The following KIF5C variants were observed in gnomAD, a reference collection of about 807,000 sequenced individuals.
KIF5C encodes the protein kinesin family member 5C, also known as kinesin heavy chain isoform 5C.
KIF5C carries 18 observed loss-of-function variants against 125.2 expected under a neutral mutation model. That is an observed-to-expected ratio of 0.14 (90% CI 0.10 to 0.21). The LOEUF (loss-of-function observed/expected upper bound fraction) is 0.21, where lower values mean the gene tolerates loss of function less well. Ranked by LOEUF, KIF5C falls within the 10% of genes least tolerant of loss-of-function variation. The pLI, the probability that KIF5C is intolerant of heterozygous loss-of-function variation, is 1.00. For missense variants in KIF5C, 780 were observed against 1,183.8 expected (o/e 0.66, Z 5.01); for synonymous variants, 405 against 434.0 (o/e 0.93, Z 0.83).
chr2:148,922,896 G>T (rs1574748866), intron 2 of KIF5C, among the ~76,000 whole-genome samples: 1 of 152,166 alleles, frequency 6.6e-6, no homozygotes, highest in East Asian at 1.9e-4. Flanking sequence ...GACTGGCATT[G>T]GCCCTGGAGG....
chr2:148,909,689 A>G (rs1467895644), intron 1 of KIF5C, among the ~76,000 whole-genome samples: 1 of 152,220 alleles, frequency 6.6e-6, no homozygotes, highest in Non-Finnish European at 1.5e-5. Flanking sequence ...AGAGTCTGAA[A>G]GAGAGCTCTC....
intron 8 of KIF5C, among the ~76,000 whole-genome samples, chr2:148,948,356 CAAAA>C (rs1158381843): frequency 5.1e-5 from 4 of 78,170 alleles, no homozygotes; most frequent in Non-Finnish European, 7.9e-5. Flanking sequence ...GACTCTGTCT[CAAAA>C]AAAAAAAAAA....
chr2:148,936,986 T>C (rs1682305467), intron 3 of KIF5C, among the ~76,000 whole-genome samples: 1 of 152,136 alleles, frequency 6.6e-6, no homozygotes, highest in Non-Finnish European at 1.5e-5. Flanking sequence ...CACCCCACAC[T>C]AGCCACATAG....
At chr2:149,018,393 G>C (rs188538782) in intron 25 of KIF5C, among the ~76,000 whole-genome samples, 1 of 152,230 alleles carries the variant, frequency 6.6e-6, no homozygotes, top group Non-Finnish European at 1.5e-5. Flanking sequence ...ACCTGATCCT[G>C]TCTCCTCATT....
intron 14 of KIF5C, among the ~76,000 whole-genome samples, chr2:148,982,779 T>C (rs1266397963): frequency 6.6e-6 from 1 of 152,232 alleles, no homozygotes; most frequent in African/African-American, 2.4e-5. Flanking sequence ...AATGAAACAT[T>C]TTTCATAATA....
intron 25 of KIF5C, among the ~76,000 whole-genome samples, chr2:149,012,632 T>C (rs1682246022): frequency 6.6e-6 from 1 of 152,208 alleles, no homozygotes; most frequent in Non-Finnish European, 1.5e-5. Flanking sequence ...CCAAGGGAAA[T>C]GCTTTGGTAG....
chr2:149,003,346 G>A (rs1681913311), intron 21 of KIF5C, among the ~76,000 whole-genome samples: 1 of 152,252 alleles, frequency 6.6e-6, no homozygotes, highest in Non-Finnish European at 1.5e-5. Flanking sequence ...CGGGAAGCCC[G>A]CTGCAGGAGA....
intron 1 of KIF5C, chr2:148,879,129 A>G (rs999340600): frequency 6.6e-6 from 1 of 152,132 alleles, no homozygotes; most frequent in Non-Finnish European, 1.5e-5. Context: ...TTGAACTCCT[A>G]TAGCATTTGT....
At chr2:148,953,516 T>C (rs924130078) in intron 10 of KIF5C, among the ~76,000 whole-genome samples, 1 of 152,188 alleles carries the variant, frequency 6.6e-6, no homozygotes, top group Non-Finnish European at 1.5e-5. Context: ...GAACATCGGA[T>C]TAGACATGGT....
intron 15 of KIF5C, among the ~76,000 whole-genome samples, chr2:148,986,245 A>T (rs1415523633): frequency 6.6e-6 from 1 of 152,202 alleles, no homozygotes; most frequent in Non-Finnish European, 1.5e-5. Flanking sequence ...CTGAACTATG[A>T]TTGAGATTGA....
At chr2:148,910,783 A>C (rs1033456384) in intron 1 of KIF5C, among the ~76,000 whole-genome samples, 2 of 152,258 alleles carry the variant, frequency 1.3e-5, no homozygotes, top group African/African-American at 4.8e-5. Context: ...GAGAAAAGAC[A>C]GACAAGTGGA....
chr2:148,896,353 C>T (rs1681844123), intron 1 of KIF5C, among the ~76,000 whole-genome samples: 1 of 152,182 alleles, frequency 6.6e-6, no homozygotes, highest in Non-Finnish European at 1.5e-5. Context: ...GCCAGCTTTT[C>T]CTGGGGAGGA....
At chr2:148,995,361 C>T (rs1261258489) in intron 17 of KIF5C, among the ~76,000 whole-genome samples, 8 of 152,230 alleles carry the variant, frequency 5.3e-5, no homozygotes, top group Non-Finnish European at 2.9e-5. Context: ...GCTTCCCTGG[C>T]ACCCCCTTGA....
rs34896458 is a variant in KIF5C at position 148,964,789 on chromosome 2, C to T, written c.1117+2670C>T. Among the ~76,000 whole-genome samples the T allele has an allele frequency of 7.0e-3, 1,062 of 152,072 alleles. 5 individuals carry two copies. Among genetic ancestry groups the T allele is most frequent in the Non-Finnish European group, 0.011 (745 of 67,994 alleles). Reference sequence around the variant, plus strand: ...GCCTGAGATGGGCTCGAGGGATAGGCGGGGCTCTCCTGTCTTCAGGATTTT... The same window carrying T: ...GCCTGAGATGGGCTCGAGGGATAGGTGGGGCTCTCCTGTCTTCAGGATTTT... On this transcript the variant is annotated intron_variant, in intron 11 of 25. Coordinates refer to ENST00000435030, the MANE Select transcript of KIF5C (RefSeq NM_004522.3).
intron 2 of KIF5C, among the ~76,000 whole-genome samples, chr2:148,927,963 A>G (rs558061669): frequency 2.0e-5 from 3 of 152,246 alleles, no homozygotes; most frequent in East Asian, 3.9e-4. Context: ...GAGGGCTGCT[A>G]GAATTAAAAA....
At chr2:149,000,338 G>C (rs953801152) in intron 19 of KIF5C, 85 bp from the exon 20 acceptor site, 3 of 1,491,674 alleles carry the variant, frequency 2.0e-6, no homozygotes, top group East Asian at 2.5e-5. Flanking sequence ...GAGCTAATAG[G>C]GTTGGAACAG....
intron 23 of KIF5C, 63 bp downstream of exon 23, chr2:149,008,130 G>A (rs1682067583): frequency 6.5e-7 from 1 of 1,530,982 alleles, no homozygotes; most frequent in Admixed American, 1.8e-5. Context: ...AGCCCCACCA[G>A]GTTTGGCCAC....
intron 3 of KIF5C, among the ~76,000 whole-genome samples, chr2:148,931,328 T>C (rs1682180194): frequency 6.6e-6 from 1 of 152,148 alleles, no homozygotes; most frequent in South Asian, 2.1e-4. Flanking sequence ...CTCCCCAGTG[T>C]AAAATCTTAT....
intron 15 of KIF5C, among the ~76,000 whole-genome samples, chr2:148,987,339 G>A (rs1179865176): frequency 1.3e-5 from 2 of 152,118 alleles, no homozygotes; most frequent in African/African-American, 2.4e-5. Context: ...GTGAAGCAGA[G>A]GATATGAAGG....
Sources: allele counts gnomAD v4.1 joint callset (sites outside exome capture counted in the v4.1 genomes callset), GRCh38; gene constraint gnomAD v4.1.1; transcripts MANE v1.5; gene names NCBI Gene and HGNC (gene_info 2026-07-23, HGNC 2026-07-21).